THRB: variants seen among roughly 807,000 people sequenced by gnomAD.
THRB encodes thyroid hormone receptor beta, also known as nuclear receptor subfamily 1 group A member 2.
THRB carries 12 observed loss-of-function variants against 47.8 expected under a neutral mutation model. The observed-to-expected ratio is 0.25, with a 90% CI of 0.16 to 0.41. The LOEUF (loss-of-function observed/expected upper bound fraction) is 0.41. Among genes scored for constraint, THRB ranks in the 10% least tolerant of loss-of-function variants. The probability of loss-of-function intolerance (pLI) is 1.00; values close to 1 mark genes in which losing one functional copy is unlikely to be tolerated. For synonymous variants in THRB, 218 were observed against 212.2 expected (o/e 1.03, Z -0.24); for missense variants, 348 against 589.2 (o/e 0.59, Z 4.24).
intron 3 of THRB, among the ~76,000 whole-genome samples, chr3:24,277,682 A>G (rs1004905486): frequency 8.5e-5 from 13 of 152,230 alleles, no homozygotes; most frequent in African/African-American, 3.1e-4. Flanking sequence ...TTTACCAACA[A>G]AGGTTATTCA....
chr3:24,155,572 G>A (rs1358522237), intron 5 of THRB, among the ~76,000 whole-genome samples: 3 of 152,184 alleles, frequency 2.0e-5, no homozygotes, highest in African/African-American at 7.2e-5. Flanking sequence ...GAACATGATT[G>A]ACAACATTAC....
At chr3:24,165,051 A>G in intron 5 of THRB, 1 of 760,864 alleles carries the variant, frequency 1.3e-6, no homozygotes, top group Non-Finnish European at 2.4e-6. Flanking sequence ...TACGATGGCG[A>G]CTGCACTTGA....
intron 9 of THRB, among the ~76,000 whole-genome samples, chr3:24,130,710 G>A (rs2033725271): frequency 6.6e-6 from 1 of 152,144 alleles, no homozygotes; most frequent in Non-Finnish European, 1.5e-5. Context: ...ATACTTTCTC[G>A]AGGGCACTCT....
chr3:24,349,189 A>T (rs2063208928), intron 1 of THRB, among the ~76,000 whole-genome samples: 1 of 152,096 alleles, frequency 6.6e-6, no homozygotes. Context: ...AAACTACAAA[A>T]CTTTACTGAG....
chr3:24,472,595 T>A lies in THRB; in HGVS notation c.-261+22057A>T, dbSNP rs76460184. 5.8e-4 allele frequency among the ~76,000 whole-genome samples: 89 copies of A among 152,338 alleles called. 1 individual carries two copies. The East Asian group carries it at 0.015, about 26-fold the overall frequency. ...TGGACTTGTTAAAGAAGGTGATTCA[T>A]CTCTGTGTGGAAAGAATGCCAACAG... On this transcript the variant is annotated intron_variant, in intron 1 of 10. Transcript: ENST00000646209.
chr3:24,394,345 G>T (rs2066795256), intron 1 of THRB, among the ~76,000 whole-genome samples: 1 of 152,124 alleles, frequency 6.6e-6, no homozygotes, highest in South Asian at 2.1e-4. Flanking sequence ...CTGAGTGAGA[G>T]CCAGTACTTT....
At position 24,214,513 on chromosome 3, in the gene THRB, G is replaced by C. The variant is rs943466188; in HGVS notation, c.22+14425C>G. 6.6e-5 allele frequency among the ~76,000 whole-genome samples: 10 copies of C among 152,322 alleles called. No homozygotes were observed. In the South Asian group the frequency reaches 1.9e-3, roughly 28 times the overall value. ...AACAATAAAAGCTGAGAGACAAGAA[G>C]GAGTCAAAGAGCACCGAAGGTGCCG... On this transcript the variant is annotated intron_variant, in intron 4 of 10. Transcript: ENST00000646209.
chr3:24,488,089 A>G (rs1697573793), intron 1 of THRB, among the ~76,000 whole-genome samples: 1 of 152,200 alleles, frequency 6.6e-6, no homozygotes, highest in South Asian at 2.1e-4. Flanking sequence ...ATTCCTCATC[A>G]CAAACATTCC....
chr3:24,412,466 G>A (rs540029095), intron 1 of THRB, among the ~76,000 whole-genome samples: 1 of 151,818 alleles, frequency 6.6e-6, no homozygotes, highest in South Asian at 2.1e-4. Context: ...AGGAGCTTGG[G>A]AAAAGTTTGG....
At chr3:24,205,860 A>C (rs528780438) in intron 4 of THRB, among the ~76,000 whole-genome samples, 7 of 152,164 alleles carry the variant, frequency 4.6e-5, no homozygotes, top group South Asian at 2.1e-4. Flanking sequence ...CCTAGTCTCC[A>C]ATAAAACAGA....
intron 2 of THRB, among the ~76,000 whole-genome samples, chr3:24,317,026 T>C (rs2058164133): frequency 6.6e-6 from 1 of 152,154 alleles, no homozygotes; most frequent in South Asian, 2.1e-4. Flanking sequence ...CCCAAATCGG[T>C]TAAGAGTTTC....
intron 1 of THRB, among the ~76,000 whole-genome samples, chr3:24,435,484 A>C (rs1157239747): frequency 6.6e-6 from 1 of 152,178 alleles, no homozygotes; most frequent in African/African-American, 2.4e-5. Flanking sequence ...GGCACCACAG[A>C]GCCACATCCA....
At chr3:24,443,672 G>T (rs1577608643) in intron 1 of THRB, among the ~76,000 whole-genome samples, 4 of 152,226 alleles carry the variant, frequency 2.6e-5, no homozygotes, top group South Asian at 4.1e-4. Context: ...TGTAATTATA[G>T]TGCACCATTT....
chr3:24,494,537 C>G (rs1300100171), intron 1 of THRB, 115 bp downstream of exon 1: 1 of 152,462 alleles, frequency 6.6e-6, no homozygotes, highest in East Asian at 1.9e-4. Context: ...CACCCGCCTG[C>G]CCGCCCGCGC....
At chr3:24,207,232 T>C (rs538413408) in intron 4 of THRB, among the ~76,000 whole-genome samples, 1 of 152,262 alleles carries the variant, frequency 6.6e-6, no homozygotes, top group South Asian at 2.1e-4. Flanking sequence ...TGAACATTGA[T>C]GCAAAAATCC....
chr3:24,330,447 A>T (rs1310815237), intron 2 of THRB, among the ~76,000 whole-genome samples: 1 of 152,240 alleles, frequency 6.6e-6, no homozygotes, highest in Non-Finnish European at 1.5e-5. Context: ...AATATTACAG[A>T]CACCCATGTA....
At chr3:24,468,015 T>C (rs578196744) in intron 1 of THRB, among the ~76,000 whole-genome samples, 1 of 152,350 alleles carries the variant, frequency 6.6e-6, no homozygotes, top group Non-Finnish European at 1.5e-5. Context: ...TTTCATCAAT[T>C]ATCTTAGCTA....
intron 3 of THRB, among the ~76,000 whole-genome samples, chr3:24,248,611 G>A (rs77421331): frequency 0.019 from 2,847 of 152,282 alleles, 38 homozygotes; most frequent in Non-Finnish European, 0.031. Context: ...TTCACTGGAA[G>A]AAGACTGGAA....
intron 1 of THRB, among the ~76,000 whole-genome samples, chr3:24,438,953 C>T (rs2125377116): frequency 6.6e-6 from 1 of 152,244 alleles, no homozygotes; most frequent in Non-Finnish European, 1.5e-5. Context: ...AATGGAAACA[C>T]ATGAGGGAGT....
Sources: allele counts gnomAD v4.1 joint callset (sites outside exome capture counted in the v4.1 genomes callset), GRCh38; gene constraint gnomAD v4.1.1; transcripts MANE v1.5; gene names NCBI Gene and HGNC (gene_info 2026-07-23, HGNC 2026-07-21).